PLCL2: variants seen among roughly 807,000 people sequenced by gnomAD.
PLCL2 encodes phospholipase C like 2, also known as inactive phospholipase C-like protein 2.
A neutral mutation model predicts 79.6 loss-of-function variants in PLCL2; 4 were observed. The ratio of observed to expected loss-of-function variants is 0.05; its 90% CI spans 0.02 to 0.11. PLCL2 has a LOEUF of 0.11. PLCL2 is among the 10% of genes least tolerant of loss of function. The probability of loss-of-function intolerance (pLI) is 1.00; values close to 1 mark genes in which losing one functional copy is unlikely to be tolerated. For synonymous variants in PLCL2, 484 were observed against 457.7 expected, an observed-to-expected ratio of 1.06 and a Z score of -0.73; for missense variants, 895 against 1,291.0, an observed-to-expected ratio of 0.69 and a Z score of 4.70.
chr3:16,978,551 C>A (rs2063949052), intron 1 of PLCL2, among the ~76,000 whole-genome samples: 1 of 152,200 alleles, frequency 6.6e-6, no homozygotes, highest in African/African-American at 2.4e-5. Context: ...GCCTTCATTT[C>A]TTTTGCAGTT....
chr3:16,918,237 G>A (rs1298470642), intron 1 of PLCL2, among the ~76,000 whole-genome samples: 1 of 152,066 alleles, frequency 6.6e-6, no homozygotes, highest in African/African-American at 2.4e-5. Flanking sequence ...ATTTAAACCA[G>A]GAAGACAAAA....
At chr3:17,029,340 C>A (rs546071233) in intron 3 of PLCL2, among the ~76,000 whole-genome samples, 2 of 147,704 alleles carry the variant, frequency 1.4e-5, no homozygotes, top group East Asian at 4.2e-4. Context: ...TTCGTATGCC[C>A]TTAAAAAAAA....
At chr3:17,032,461 C>T (rs1156350257) in intron 3 of PLCL2, among the ~76,000 whole-genome samples, 1 of 152,136 alleles carries the variant, frequency 6.6e-6, no homozygotes, top group Non-Finnish European at 1.5e-5. Context: ...AGCTCTGCCT[C>T]TGTGATTTTG....
In PLCL2 at chr3:17,011,002, A is replaced by G. The variant is rs187858031; in HGVS notation, c.1656A>G (p.Glu552=). The G allele has an allele frequency of 1.9e-6, 3 of 1,613,986 alleles. No homozygotes were observed. The Admixed American group carries it at 5.0e-5, about 27-fold the overall frequency. Residue 552 remains glutamate, a synonymous_variant, in exon 2 of 6, where the codon GAA becomes GAG. Transcript: ENST00000615277. The surrounding 1 kb of genome is among the most constrained non-coding windows in gnomAD (Gnocchi z 7.9). ...KLYTTSPNVE[E]SYLPSPDVLK... ...ATACAACATCACCCAATGTTGAGGA[A>G]TCTTATCTACCATCCCCAGATGTCC... is the stretch of plus-strand genomic sequence containing the variant.
At chr3:16,908,341 A>G (rs1186939379) in intron 1 of PLCL2, among the ~76,000 whole-genome samples, 7 of 152,190 alleles carry the variant, frequency 4.6e-5, no homozygotes, top group Non-Finnish European at 1.0e-4. Flanking sequence ...TAATTCCTCA[A>G]TATCATCAAC....
chr3:16,914,182 A>C (rs1696942544), intron 1 of PLCL2, among the ~76,000 whole-genome samples: 1 of 152,214 alleles, frequency 6.6e-6, no homozygotes, highest in Non-Finnish European at 1.5e-5. Flanking sequence ...GGAGAGAGAA[A>C]GTAGTTGGAG....
At chr3:16,975,542 GTC>G (rs2124982517) in intron 1 of PLCL2, among the ~76,000 whole-genome samples, 1 of 152,300 alleles carries the variant, frequency 6.6e-6, no homozygotes, top group African/African-American at 2.4e-5. Flanking sequence ...TGGCAGAAGG[GTC>G]TGAGAGGCCC....
chr3:17,011,154 A>C lies in PLCL2; in HGVS notation c.1808A>C (p.Gln603Pro), dbSNP rs1434636659. ...SQRMGKENME[Q>P]PNNVPVKRFQ... is the part of the protein sequence containing the mutation. The stretch of plus-strand genomic sequence containing the variant: ...AGGATGGGAAAAGAGAACATGGAGC[A>C]ACCCAATAATGTGCCTGTGAAGCGA... Residue 603 changes from glutamine (Q) to proline (P), a missense_variant, in exon 2 of 6, where the codon CAA (glutamine) becomes CCA (proline). Gln to Pro is a moderately conservative substitution (Grantham distance 76, BLOSUM62 -1). Around this residue, in one of 6 missense-constraint regions of PLCL2, gnomAD observed 242 missense variants for 399.5 expected, o/e 0.61. Coordinates refer to ENST00000615277, the MANE Select transcript of PLCL2 (RefSeq NM_001144382.2). The surrounding 1 kb of genome is among the most constrained non-coding windows in gnomAD (Gnocchi z 7.9). The C allele has an allele frequency of 6.2e-7, 1 of 1,614,202 alleles. No homozygotes were observed. The highest frequency in any genetic ancestry group is 8.5e-7 in the Non-Finnish European group (1 of 1,180,026).
rs2065254880 is a variant in PLCL2 at position 17,089,802 on chromosome 3, G to T, written c.3274G>T (p.Ala1092Ser). 6.2e-7 allele frequency: 1 copy of T among 1,613,702 alleles called. No individual in the cohort carries two copies. The change falls in exon 6 of 6, where the codon GCT becomes TCT. Residue 1092 changes from alanine to serine, a missense_variant. Ala to Ser is a moderately conservative substitution (Grantham distance 99). Coordinates refer to ENST00000615277, the MANE Select transcript of PLCL2 (RefSeq NM_001144382.2). ...LENLKQIHFA[A>S]VSCGLNKPGT... is the part of the protein sequence containing the mutation. Reference sequence around the variant, plus strand: ...GAACCTGAAACAAATCCATTTTGCTGCTGTTTCATGTGGACTGAATAAACC... The same window carrying T: ...GAACCTGAAACAAATCCATTTTGCTTCTGTTTCATGTGGACTGAATAAACC...
At chr3:16,921,472 T>C (rs776748812) in intron 1 of PLCL2, among the ~76,000 whole-genome samples, 14 of 152,154 alleles carry the variant, frequency 9.2e-5, no homozygotes, top group Admixed American at 2.6e-4. Flanking sequence ...AAGGGTAAGA[T>C]TATTGAACAC....
chr3:16,926,389 A>G (rs935792334), intron 1 of PLCL2, among the ~76,000 whole-genome samples: 1 of 152,224 alleles, frequency 6.6e-6, no homozygotes, highest in African/African-American at 2.4e-5. Flanking sequence ...GATTAACAGT[A>G]TCTACCTCTA....
chr3:16,996,358 A>G (rs1002348904), intron 1 of PLCL2, among the ~76,000 whole-genome samples: 4 of 152,030 alleles, frequency 2.6e-5, no homozygotes, highest in African/African-American at 7.2e-5. Context: ...CCTACCCAGG[A>G]AGGAAGAGAG....
At chr3:16,896,906 T>C (rs2124917684) in intron 1 of PLCL2, among the ~76,000 whole-genome samples, 1 of 152,316 alleles carries the variant, frequency 6.6e-6, no homozygotes, top group African/African-American at 2.4e-5. Context: ...TGCAATTGAA[T>C]CAGAACCTCT....
At chr3:16,950,757 C>G (rs1014599287) in intron 1 of PLCL2, among the ~76,000 whole-genome samples, 2 of 152,032 alleles carry the variant, frequency 1.3e-5, no homozygotes, top group African/African-American at 2.4e-5. Flanking sequence ...TGCATTTTAT[C>G]AAATCCTTTT....
intron 1 of PLCL2, among the ~76,000 whole-genome samples, chr3:16,986,069 C>T (rs1169859309): frequency 6.6e-6 from 1 of 151,930 alleles, no homozygotes; most frequent in Non-Finnish European, 1.5e-5. Context: ...ACACCTTGTC[C>T]AACCAATATG....
chr3:16,929,298 C>T (rs1697340120), intron 1 of PLCL2, among the ~76,000 whole-genome samples: 1 of 152,032 alleles, frequency 6.6e-6, no homozygotes, highest in Admixed American at 6.5e-5. Context: ...TTGTAGGTTC[C>T]TGAAAATGAG....
At chr3:17,051,877 C>G (rs1428218302) in intron 4 of PLCL2, among the ~76,000 whole-genome samples, 1 of 152,106 alleles carries the variant, frequency 6.6e-6, no homozygotes, top group Non-Finnish European at 1.5e-5. Flanking sequence ...TGCCCTTGGT[C>G]ACCCAGAACC....
chr3:17,059,629 T>C (rs1303810749), intron 4 of PLCL2, among the ~76,000 whole-genome samples: 1 of 151,984 alleles, frequency 6.6e-6, no homozygotes, highest in African/African-American at 2.4e-5. Context: ...ACCATGTGTG[T>C]TATTTGCTAA....
intron 5 of PLCL2, among the ~76,000 whole-genome samples, chr3:17,078,186 C>T (rs1225343084): frequency 1.3e-5 from 2 of 152,190 alleles, no homozygotes; most frequent in African/African-American, 4.8e-5. Flanking sequence ...AAGGTATTGT[C>T]AGCACAAAAT....
Sources: allele counts gnomAD v4.1 joint callset (sites outside exome capture counted in the v4.1 genomes callset), GRCh38; gene constraint gnomAD v4.1.1; regional missense constraint gnomAD v4.1.1; non-coding constraint Gnocchi (gnomAD v3.1); transcripts MANE v1.5; gene names NCBI Gene and HGNC (gene_info 2026-07-23, HGNC 2026-07-21).